The following LRRC37A2 variants were observed in gnomAD, a reference collection of about 807,000 sequenced individuals.
LRRC37A2 encodes leucine-rich repeat-containing protein 37A2.
In LRRC37A2, 9 loss-of-function variants were observed where a neutral mutation model predicts 68.8. The observed-to-expected ratio is 0.13, with a 90% confidence interval of 0.08 to 0.23. The LOEUF is 0.23. Ranked by LOEUF, LRRC37A2 falls within the 10% of genes least tolerant of loss-of-function variation. LRRC37A2 has a pLI of 1.00. For synonymous variants in LRRC37A2, 63 were observed against 367.6 expected (o/e 0.17, Z 9.48); for missense variants, 168 against 950.4 (o/e 0.18, Z 10.82).
the LRRC37A2 span, chr17:46,935,995 A>C: frequency 6.1e-6 from 6 of 985,884 alleles, no homozygotes; most frequent in Non-Finnish European, 1.2e-6. Flanking sequence ...TTGTTGGATC[A>C]TGTTGAGTCT....
the LRRC37A2 span, among the ~76,000 whole-genome samples, chr17:46,687,468 C>T: frequency 1.3e-5 from 2 of 148,364 alleles, no homozygotes; most frequent in Non-Finnish European, 3.0e-5. Flanking sequence ...AGGGTAATTT[C>T]TTTTCTTCAC....
the LRRC37A2 span, among the ~76,000 whole-genome samples, chr17:47,005,199 C>A: frequency 6.6e-6 from 1 of 152,208 alleles, no homozygotes; most frequent in Non-Finnish European, 1.5e-5. Flanking sequence ...AAATGTTTTC[C>A]TCTGCTCCTT....
the LRRC37A2 span, among the ~76,000 whole-genome samples, chr17:46,503,465 CA>C: frequency 7.2e-6 from 1 of 139,392 alleles, no homozygotes; most frequent in East Asian, 2.1e-4. Context: ...AACAAATCAA[CA>C]AAGAATTAAC....
the LRRC37A2 span, among the ~76,000 whole-genome samples, chr17:46,716,765 C>T: frequency 6.6e-6 from 1 of 151,990 alleles, no homozygotes; most frequent in Non-Finnish European, 1.5e-5. Flanking sequence ...CATATTTGTC[C>T]TTCAATTCTC....
At chr17:46,904,907 G>A in the LRRC37A2 span, among the ~76,000 whole-genome samples, 1 of 151,986 alleles carries the variant, frequency 6.6e-6, no homozygotes, top group African/African-American at 2.4e-5. Context: ...CATCTCTTTG[G>A]GGCCCCTCCC....
the LRRC37A2 span, chr17:46,756,011 C>T: frequency 1.4e-5 from 8 of 574,970 alleles, no homozygotes; most frequent in South Asian, 4.9e-5. Context: ...CTTAGTGTCT[C>T]GTGGAAGGTG....
At chr17:46,492,409 T>G in the LRRC37A2 span, among the ~76,000 whole-genome samples, 1 of 151,002 alleles carries the variant, frequency 6.6e-6, no homozygotes, top group Non-Finnish European at 1.5e-5. Flanking sequence ...ACAGTGCATT[T>G]ATCTGTTCAA....
the LRRC37A2 span, among the ~76,000 whole-genome samples, chr17:46,977,815 T>C: frequency 6.6e-6 from 1 of 152,354 alleles, no homozygotes; most frequent in Non-Finnish European, 1.5e-5. Flanking sequence ...CTCTGCCAAA[T>C]TGAATTTTCC....
At chr17:47,011,196 GAA>G in the LRRC37A2 span, among the ~76,000 whole-genome samples, 1 of 152,148 alleles carries the variant, frequency 6.6e-6, no homozygotes, top group Non-Finnish European at 1.5e-5. Context: ...ACTTTAAGGG[GAA>G]AGACACACCT....
chr17:46,872,616 G>A, the LRRC37A2 span: 1 of 1,613,268 alleles, frequency 6.2e-7, no homozygotes, highest in South Asian at 1.1e-5. Context: ...ACCTGCTGAA[G>A]CTGTCCCGGC....
At chr17:46,876,553 G>T in the LRRC37A2 span, 1 of 1,613,634 alleles carries the variant, frequency 6.2e-7, no homozygotes, top group South Asian at 1.1e-5. Context: ...CAGCAGGTAG[G>T]GTGTGCTCCC....
the LRRC37A2 span, among the ~76,000 whole-genome samples, chr17:46,743,071 C>T: frequency 1.3e-5 from 2 of 152,106 alleles, no homozygotes; most frequent in Non-Finnish European, 2.9e-5. Flanking sequence ...TGTGAGTCAC[C>T]CCACTGCCAT....
At chr17:46,971,319 A>G in the LRRC37A2 span, among the ~76,000 whole-genome samples, 1 of 152,200 alleles carries the variant, frequency 6.6e-6, no homozygotes, top group African/African-American at 2.4e-5. Context: ...CCTGGGCAAC[A>G]GAGCGAGACT....
At chr17:46,963,543 CAAAA>C in the LRRC37A2 span, among the ~76,000 whole-genome samples, 8 of 137,712 alleles carry the variant, frequency 5.8e-5, no homozygotes, top group Admixed American at 7.2e-5. Context: ...GGCTCGGTCT[CAAAA>C]AAAAAAAAAA....
At chr17:46,951,610 A>C in the LRRC37A2 span, among the ~76,000 whole-genome samples, 6 of 152,140 alleles carry the variant, frequency 3.9e-5, no homozygotes, top group South Asian at 1.2e-3. Flanking sequence ...TGTTGAGGCC[A>C]CCCTACTCCA....
At chr17:46,534,399 C>T (rs749826434) in intron 6 of LRRC37A2, among the ~76,000 whole-genome samples, 204 of 147,098 alleles carry the variant, frequency 1.4e-3, no homozygotes, top group Middle Eastern at 6.8e-3. Context: ...GGTGATGACT[C>T]TTAACGAGCA....
chr17:46,635,822 C>G, the LRRC37A2 span, among the ~76,000 whole-genome samples: 1 of 34,836 alleles, frequency 2.9e-5, no homozygotes, highest in Non-Finnish European at 8.6e-5. Context: ...TGTGTGTGCT[C>G]GTGTGTGAAG....
the LRRC37A2 span, chr17:46,818,476 G>A: frequency 6.4e-7 from 1 of 1,570,466 alleles, no homozygotes; most frequent in Non-Finnish European, 8.6e-7. Context: ...CCCGGACGCG[G>A]CGGAGAAACC....
At chr17:47,029,598 C>T in the LRRC37A2 span, among the ~76,000 whole-genome samples, 11 of 152,336 alleles carry the variant, frequency 7.2e-5, no homozygotes, top group African/African-American at 2.4e-4. Context: ...CCTCTGTCCT[C>T]ATTAATTTGC....
Sources: allele counts gnomAD v4.1 joint callset (sites outside exome capture counted in the v4.1 genomes callset), GRCh38; gene constraint gnomAD v4.1.1; transcripts MANE v1.5; gene names NCBI Gene and HGNC (gene_info 2026-07-23, HGNC 2026-07-21).